The following CMIP variants were observed in gnomAD, a reference collection of about 807,000 sequenced individuals.
CMIP encodes c-Maf inducing protein.
A neutral mutation model predicts 97.3 loss-of-function variants in CMIP; 13 were observed. The observed-to-expected ratio is 0.13, with a 90% CI of 0.09 to 0.21. CMIP has a LOEUF of 0.21. Ranked by LOEUF, CMIP falls within the 10% of genes least tolerant of loss-of-function variation. The pLI, the probability that CMIP is intolerant of heterozygous loss-of-function variation, is 1.00. For synonymous variants in CMIP, 538 were observed against 436.3 expected (o/e 1.23, Z -2.91); for missense variants, 847 against 1,024.9 (o/e 0.83, Z 2.37).
intron 1 of CMIP, among the ~76,000 whole-genome samples, chr16:81,591,728 C>G (rs1330385307): frequency 3.9e-5 from 6 of 151,954 alleles, no homozygotes; most frequent in African/African-American, 1.5e-4. Flanking sequence ...CTTGGCCTGG[C>G]TGGCAGGTGC....
chr16:81,486,677 C>T (rs562873717), intron 1 of CMIP, among the ~76,000 whole-genome samples: 16 of 152,350 alleles, frequency 1.1e-4, no homozygotes, highest in African/African-American at 3.8e-4. Context: ...CCAGACTCCC[C>T]AGGAACTAAT....
intron 2 of CMIP, among the ~76,000 whole-genome samples, chr16:81,607,924 T>A (rs762502836): frequency 1.4e-4 from 22 of 152,232 alleles, no homozygotes; most frequent in Non-Finnish European, 2.9e-4. Flanking sequence ...CTAGGAACTT[T>A]TCAGGTTGCT....
chr16:81,672,086 A>G lies in CMIP; in HGVS notation c.1034+16A>G, dbSNP rs775747568. 4.0e-6 allele frequency: 6 copies of G among 1,486,378 alleles called. No homozygotes were observed. In the East Asian group the frequency reaches 7.2e-5, roughly 18 times the overall value. The allele number at this position is 1,486,378 out of a possible 1,614,324, so 92.1% of individuals were successfully genotyped here. ...TCATCAACAGGTCAGTTGCTGAACC[A>G]CCGCCACCCAGAGGGCTTGGGAGGG... On this transcript the variant is annotated intron_variant, in intron 9 of 20. Transcript: ENST00000537098.
At chr16:81,579,827 A>G (rs576273695) in intron 1 of CMIP, among the ~76,000 whole-genome samples, 6 of 152,276 alleles carry the variant, frequency 3.9e-5, no homozygotes, top group African/African-American at 1.4e-4. Context: ...GTGGTGGCGG[A>G]CGCCTGTAGT....
chr16:81,645,625 G>C (rs1464181213), intron 3 of CMIP: 5 of 1,535,502 alleles, frequency 3.3e-6, no homozygotes, highest in Non-Finnish European at 4.4e-6. Context: ...GACAAGCAGA[G>C]AGGGTGAGGA....
At chr16:81,522,619 C>T (rs1263174981) in intron 1 of CMIP, among the ~76,000 whole-genome samples, 1 of 152,208 alleles carries the variant, frequency 6.6e-6, no homozygotes, top group African/African-American at 2.4e-5. Flanking sequence ...AGATGCCTTC[C>T]AGGTTGGTTA....
At chr16:81,464,864 C>T (rs1907106994) in intron 1 of CMIP, 1 of 152,196 alleles carries the variant, frequency 6.6e-6, no homozygotes, top group East Asian at 1.9e-4. Flanking sequence ...TTACGTTCCC[C>T]CCATGTTTAG....
intron 1 of CMIP, among the ~76,000 whole-genome samples, chr16:81,539,913 T>C (rs2150836933): frequency 6.6e-6 from 1 of 152,344 alleles, no homozygotes; most frequent in South Asian, 2.1e-4. Flanking sequence ...TTTATGTCTC[T>C]CTACGTGCTC....
chr16:81,586,031 C>T (rs1369519984), intron 1 of CMIP, among the ~76,000 whole-genome samples: 1 of 151,998 alleles, frequency 6.6e-6, no homozygotes, highest in Non-Finnish European at 1.5e-5. Flanking sequence ...GGCATTCTCA[C>T]AGCCGGACTC....
chr16:81,698,970 G>A lies in CMIP; in HGVS notation c.1639-715G>A, dbSNP rs185461083. On this transcript the variant is annotated intron_variant, in intron 14 of 20. Transcript: ENST00000537098. ...ACAGATTCTTGAAAAAACTAGCAAG[G>A]GCCGGGCACAGTGGCTCACGCCTGT... 1.7e-3 allele frequency among the ~76,000 whole-genome samples: 252 copies of A among 152,248 alleles called. 1 individual carries two copies. The highest frequency in any genetic ancestry group is 5.7e-3 in the African/African-American group (238 of 41,534).
At chr16:81,522,134 C>T (rs955453974) in intron 1 of CMIP, among the ~76,000 whole-genome samples, 3 of 152,216 alleles carry the variant, frequency 2.0e-5, no homozygotes, top group Non-Finnish European at 4.4e-5. Flanking sequence ...TGTCAGACAT[C>T]TTTGCTTCTA....
chr16:81,531,138 T>C (rs1398408508), intron 1 of CMIP, among the ~76,000 whole-genome samples: 2 of 151,396 alleles, frequency 1.3e-5, no homozygotes, highest in East Asian at 3.9e-4. Flanking sequence ...CGGGAGGTCA[T>C]GCTGGAGGAG....
intron 1 of CMIP, among the ~76,000 whole-genome samples, chr16:81,472,408 G>A (rs1023775267): frequency 2.0e-5 from 3 of 152,190 alleles, no homozygotes; most frequent in Non-Finnish European, 2.9e-5. Flanking sequence ...TCATCTGGCC[G>A]CCCGTTCTGG....
intron 10 of CMIP, among the ~76,000 whole-genome samples, chr16:81,687,457 G>A (rs1055870241): frequency 2.1e-4 from 32 of 152,286 alleles, no homozygotes; most frequent in African/African-American, 6.5e-4. Flanking sequence ...TTGTTTTTCC[G>A]CGGAGTCCCT....
chr16:81,615,459 T>C (rs529663962), intron 2 of CMIP, among the ~76,000 whole-genome samples: 55 of 147,218 alleles, frequency 3.7e-4, no homozygotes, highest in African/African-American at 1.3e-3. Context: ...GGTGTGTGTG[T>C]GGTGTATGTG....
At chr16:81,706,824 C>G (rs1908200892) in intron 19 of CMIP, among the ~76,000 whole-genome samples, 190 bp from the exon 20 acceptor site, 1 of 152,104 alleles carries the variant, frequency 6.6e-6, no homozygotes, top group African/African-American at 2.4e-5. Context: ...CAGACCAGCA[C>G]GTGCCTGAAA....
chr16:81,472,069 C>T lies in CMIP; in HGVS notation c.300+26528C>T, dbSNP rs571160855. On this transcript the variant is annotated intron_variant, in intron 1 of 20. Transcript: ENST00000537098. ...ATGCATATGCACTCAATGTATATGCCGTGTACACACACACTCACGCACATG... is the reference window on the plus strand; with the variant it reads ...ATGCATATGCACTCAATGTATATGCTGTGTACACACACACTCACGCACATG... Among the ~76,000 whole-genome samples the T allele has an allele frequency of 4.9e-4, 74 of 152,240 alleles. 1 individual carries two copies. The highest frequency in any genetic ancestry group is 9.6e-4 in the Non-Finnish European group (65 of 68,012).
intron 3 of CMIP, among the ~76,000 whole-genome samples, chr16:81,642,677 C>T (rs1274396625): frequency 2.0e-5 from 3 of 152,184 alleles, no homozygotes; most frequent in African/African-American, 4.8e-5. Flanking sequence ...CGGTGGCTCT[C>T]CTGAGGTCAG....
At position 81,709,768 on chromosome 16, in the gene CMIP, A is replaced by T; in HGVS notation, c.2291A>T (p.Glu764Val). The T allele has an allele frequency of 6.2e-7, 1 of 1,613,956 alleles. No homozygotes were observed. The highest frequency in any genetic ancestry group is 8.5e-7 in the Non-Finnish European group (1 of 1,179,866). ...DLKAKLPNLKEVDVRYTEAW is the reference protein window; with the variant it reads ...DLKAKLPNLKVVDVRYTEAW ...CAGGCCAAGCTTCCCAATTTGAAGG[A>T]AGTGGACGTCCGCTACACCGAAGCC... is the stretch of plus-strand genomic sequence containing the variant. The change falls in exon 21 of 21, where the codon GAA (glutamate) becomes GTA (valine). Residue 764 changes from glutamate (E) to valine (V), a missense_variant. Around this residue, in one of 4 missense-constraint regions of CMIP, gnomAD observed 266 missense variants for 384.2 expected, o/e 0.69. Transcript: ENST00000537098.
Sources: gnomAD v4.1 joint callset for allele counts (sites outside exome capture counted in the v4.1 genomes callset) on GRCh38, gnomAD v4.1.1 for gene constraint, gnomAD v4.1.1 regional missense constraint, MANE v1.5 for transcripts, NCBI Gene and HGNC (gene_info 2026-07-23, HGNC 2026-07-21) for gene names.